The following ATP8B4 variants were observed in gnomAD, a reference collection of about 807,000 sequenced individuals.
ATP8B4 encodes ATPase phospholipid transporting 8B4 (putative), also known as probable phospholipid-transporting ATPase IM.
ATP8B4 carries 133 observed loss-of-function variants against 145.6 expected under a neutral mutation model. The ratio of observed to expected loss-of-function variants is 0.91; its 90% CI spans 0.79 to 1.05. ATP8B4 has a LOEUF of 1.05. Among genes scored for constraint, ATP8B4 ranks in the 50% least tolerant of loss-of-function variants. The pLI is 0.00. For synonymous variants in ATP8B4, 507 were observed against 492.9 expected (o/e 1.03, Z -0.38); for missense variants, 1,458 against 1,425.2 (o/e 1.02, Z -0.37).
intron 19 of ATP8B4, among the ~76,000 whole-genome samples, chr15:49,918,340 T>C (rs969911525): frequency 5.9e-5 from 9 of 152,198 alleles, no homozygotes; most frequent in Non-Finnish European, 1.5e-5. Context: ...GTTATTAAAA[T>C]ACCAAAATAT....
chr15:49,911,683 T>C (rs113756293), intron 20 of ATP8B4, among the ~76,000 whole-genome samples: 3,809 of 152,244 alleles, frequency 0.025, 148 homozygotes, highest in African/African-American at 0.087. Context: ...TTAGATCAAA[T>C]GGACTGAACA....
intron 23 of ATP8B4, among the ~76,000 whole-genome samples, chr15:49,893,995 C>T (rs762045131): frequency 2.9e-4 from 44 of 152,174 alleles, no homozygotes; most frequent in Non-Finnish European, 5.1e-4. Context: ...TACAAAGAAG[C>T]TGACCCCACA....
In ATP8B4 at chr15:49,996,677, C is replaced by A; in HGVS notation, c.589G>T (p.Gly197Trp). The change falls in exon 9 of 28, where the codon GGG (glycine) becomes TGG (tryptophan). Residue 197 changes from glycine to tryptophan, a missense_variant and splice_region_variant. By Grantham distance (184) the Gly-to-Trp change is radical. Coordinates refer to ENST00000284509, the MANE Select transcript of ATP8B4 (RefSeq NM_024837.4). ...TTGTTTATCTGTTTAAAATACTTACCATCAAACCCTGCAAGTCTGCTGATA... is the reference window on the plus strand; with the variant it reads ...TTGTTTATCTGTTTAAAATACTTACAATCAAACCCTGCAAGTCTGCTGATA... ...ADISRLAGFD[G>W]IVVCEVPNNK... 6.3e-7 allele frequency: 1 copy of A among 1,599,802 alleles called. No homozygotes were observed. The highest frequency in any genetic ancestry group is 8.6e-7 in the Non-Finnish European group (1 of 1,169,242).
intron 9 of ATP8B4, among the ~76,000 whole-genome samples, chr15:49,994,665 G>A (rs1273998976): frequency 6.6e-6 from 1 of 152,012 alleles, no homozygotes; most frequent in Non-Finnish European, 1.5e-5. Context: ...GATTGAGAGT[G>A]TAAGGAGTCA....
chr15:49,917,130 T>G, intron 19 of ATP8B4, 91 bp from the exon 20 acceptor site: 1 of 1,224,060 alleles, frequency 8.2e-7, no homozygotes, highest in South Asian at 1.3e-5. Context: ...AGCTGTATTT[T>G]CTTAAAGCCT....
chr15:50,078,628 C>G (rs977958596), intron 2 of ATP8B4, among the ~76,000 whole-genome samples: 1 of 151,860 alleles, frequency 6.6e-6, no homozygotes, highest in Non-Finnish European at 1.5e-5. Context: ...CTGCCCTGCT[C>G]CAGAGTAAGA....
At chr15:49,981,090 T>A (rs938805847) in intron 11 of ATP8B4, 116 bp downstream of exon 11, 3 of 831,684 alleles carry the variant, frequency 3.6e-6, no homozygotes, top group Non-Finnish European at 1.9e-6. Context: ...AAATGCAAAA[T>A]CCCCAAAAAC....
At chr15:50,006,303 T>C (rs2048296806) in intron 7 of ATP8B4, among the ~76,000 whole-genome samples, 1 of 151,138 alleles carries the variant, frequency 6.6e-6, no homozygotes, top group Admixed American at 6.6e-5. Flanking sequence ...AAAAAATCCT[T>C]GCCTGAATAT....
chr15:49,998,703 G>C (rs2047632540), intron 8 of ATP8B4, among the ~76,000 whole-genome samples: 1 of 152,124 alleles, frequency 6.6e-6, no homozygotes, highest in African/African-American at 2.4e-5. Context: ...TGTTCACTCT[G>C]ATGTTAGTTT....
At position 49,860,305 on chromosome 15, in the gene ATP8B4, T is replaced by C. The variant is rs200848340; in HGVS notation, c.3468A>G (p.Thr1156=). 2.5e-5 allele frequency: 41 copies of C among 1,614,020 alleles called. No individual in the cohort carries two copies. The highest frequency in any genetic ancestry group is 3.3e-5 in the Non-Finnish European group (39 of 1,179,994). The change falls in exon 28 of 28, where the codon ACA becomes ACG. Residue 1156 remains threonine, a synonymous_variant. Coordinates refer to ENST00000284509, the MANE Select transcript of ATP8B4 (RefSeq NM_024837.4). Reference sequence around the variant, plus strand: ...TATAATGTGTCTTTTCCAGCCCTGATGTTGGGGGTGGATTTTTAGCTCGCA... The same window carrying C: ...TATAATGTGTCTTTTCCAGCCCTGACGTTGGGGGTGGATTTTTAGCTCGCA... ...KNMRAKNPPP[T]SGLEKTHYNS... is the part of the protein sequence containing the mutation.
chr15:49,923,638 C>A, intron 16 of ATP8B4, 144 bp from the exon 17 acceptor site: 3 of 554,528 alleles, frequency 5.4e-6, no homozygotes, highest in South Asian at 5.1e-5. Context: ...TTGGTTAGGT[C>A]ATTACCTAAG....
At chr15:49,900,880 C>G (rs1311551375) in intron 21 of ATP8B4, among the ~76,000 whole-genome samples, 1 of 151,996 alleles carries the variant, frequency 6.6e-6, no homozygotes, top group Non-Finnish European at 1.5e-5. Context: ...TTCTTTGGAG[C>G]CTCCCCTTTA....
intron 6 of ATP8B4, among the ~76,000 whole-genome samples, chr15:50,034,323 G>A (rs936024552): frequency 2.2e-5 from 3 of 133,504 alleles, no homozygotes; most frequent in Non-Finnish European, 3.5e-5. Context: ...CTCCCCCTCT[G>A]GGTTCAAATA....
At chr15:50,113,831 T>C (rs1263195711) in intron 1 of ATP8B4, among the ~76,000 whole-genome samples, 1 of 58,748 alleles carries the variant, frequency 1.7e-5, no homozygotes, top group East Asian at 5.8e-4. Context: ...AACACGAAAC[T>C]CCATCTCAAA....
intron 13 of ATP8B4, among the ~76,000 whole-genome samples, chr15:49,969,757 C>T (rs973086637): frequency 1.3e-5 from 2 of 152,154 alleles, no homozygotes; most frequent in Non-Finnish European, 2.9e-5. Context: ...AGAAACTCCT[C>T]CCTAACTCAT....
intron 13 of ATP8B4, among the ~76,000 whole-genome samples, chr15:49,963,610 G>C (rs546478549): frequency 1.3e-5 from 2 of 152,272 alleles, no homozygotes; most frequent in African/African-American, 4.8e-5. Context: ...CCTTTGCCGG[G>C]ACATGGATAG....
intron 15 of ATP8B4, among the ~76,000 whole-genome samples, chr15:49,933,050 T>G (rs983407807): frequency 5.3e-5 from 8 of 151,986 alleles, no homozygotes; most frequent in Non-Finnish European, 1.2e-4. Context: ...ATTAGAACAT[T>G]GAAGCAAATG....
chr15:50,120,033 T>C (rs1161311634), upstream of ATP8B4, among the ~76,000 whole-genome samples: 1 of 152,176 alleles, frequency 6.6e-6, no homozygotes. Flanking sequence ...TGCATATCTA[T>C]TTTTAAAAGG....
At chr15:50,156,881 A>T (rs890217380) in intron 1 of ATP8B4, among the ~76,000 whole-genome samples, 1 of 152,178 alleles carries the variant, frequency 6.6e-6, no homozygotes, top group African/African-American at 2.4e-5. Flanking sequence ...GGTATTTTAG[A>T]TTGTGGTGAT....
Sources: gnomAD v4.1 joint callset for allele counts (sites outside exome capture counted in the v4.1 genomes callset) on GRCh38, gnomAD v4.1.1 for gene constraint, MANE v1.5 for transcripts, NCBI Gene and HGNC (gene_info 2026-07-23, HGNC 2026-07-21) for gene names.